AUTS2: variants seen among roughly 807,000 people sequenced by gnomAD.
AUTS2 encodes the protein autism susceptibility gene 2 protein.
A neutral mutation model predicts 112.4 loss-of-function variants in AUTS2; 17 were observed. That is an observed-to-expected ratio of 0.15 (90% CI 0.10 to 0.23). AUTS2 has a LOEUF of 0.23. AUTS2 is among the 10% of genes least tolerant of loss of function. The probability of loss-of-function intolerance (pLI) is 1.00; values close to 1 mark genes in which losing one functional copy is unlikely to be tolerated. For missense variants in AUTS2, 1,510 were observed against 1,701.6 expected, an observed-to-expected ratio of 0.89 and a Z score of 1.98; for synonymous variants, 751 against 702.7, an observed-to-expected ratio of 1.07 and a Z score of -1.09.
chr7:70,659,218 C>T lies in AUTS2; in HGVS notation c.691-39351C>T, dbSNP rs73704592. On this transcript the variant is annotated intron_variant, in intron 5 of 18. Coordinates refer to ENST00000342771, the MANE Select transcript of AUTS2 (RefSeq NM_015570.4). ...GTTCGGCACCTGACCTCTGAATTCC[C>T]GCGGCCCTTGCAGGATATCACGCCC... is the stretch of plus-strand genomic sequence containing the variant. Among the ~76,000 whole-genome samples, 886 of 152,314 alleles carry T rather than the reference C, an allele frequency of 5.8e-3. 9 individuals are homozygous for T. Among genetic ancestry groups the T allele is most frequent in the African/African-American group, 0.02 (836 of 41,558 alleles).
chr7:69,886,810 TCAGG>T (rs1794297520), intron 1 of AUTS2, among the ~76,000 whole-genome samples: 1 of 144,076 alleles, frequency 6.9e-6, no homozygotes, highest in Non-Finnish European at 1.5e-5. Flanking sequence ...TGTGTGTGTG[TCAGG>T]GTCTCATTCT....
intron 5 of AUTS2, among the ~76,000 whole-genome samples, chr7:70,528,818 A>AG (rs1177342070): frequency 6.6e-6 from 1 of 151,982 alleles, no homozygotes; most frequent in Admixed American, 6.6e-5. Flanking sequence ...AAAAAAAAAA[A>AG]AGGAGTATGC....
chr7:69,733,823 A>G (rs1786908443), intron 1 of AUTS2, among the ~76,000 whole-genome samples: 1 of 152,098 alleles, frequency 6.6e-6, no homozygotes, highest in Non-Finnish European at 1.5e-5. Context: ...ACACTTCCTT[A>G]TCTTCTTTGA....
intron 3 of AUTS2, among the ~76,000 whole-genome samples, chr7:70,132,831 G>A (rs1293108001): frequency 6.6e-6 from 1 of 152,248 alleles, no homozygotes; most frequent in South Asian, 2.1e-4. Context: ...TTTGCAGGAA[G>A]GGAAAGAAAT....
At chr7:69,612,736 C>T (rs904590664) in intron 1 of AUTS2, among the ~76,000 whole-genome samples, 3 of 152,186 alleles carry the variant, frequency 2.0e-5, no homozygotes, top group African/African-American at 7.2e-5. Flanking sequence ...GGATTATAGG[C>T]ATGAGCCACT....
intron 1 of AUTS2, among the ~76,000 whole-genome samples, chr7:69,655,421 C>A (rs1380268039): frequency 6.6e-6 from 1 of 152,100 alleles, no homozygotes; most frequent in African/African-American, 2.4e-5. Context: ...TAATTTACTG[C>A]AGTGGTTCTC....
intron 2 of AUTS2, among the ~76,000 whole-genome samples, chr7:70,106,525 G>A (rs1804775794): frequency 6.6e-6 from 1 of 152,132 alleles, no homozygotes; most frequent in South Asian, 2.1e-4. Flanking sequence ...TTCGAGACCA[G>A]CCTTGGTAAC....
At chr7:70,144,018 G>A (rs534056777) in intron 4 of AUTS2, among the ~76,000 whole-genome samples, 1 of 152,138 alleles carries the variant, frequency 6.6e-6, no homozygotes, top group South Asian at 2.1e-4. Context: ...GGAAATTAGA[G>A]AAAGTGTGAA....
chr7:69,884,066 C>T (rs1485764504), intron 1 of AUTS2, among the ~76,000 whole-genome samples: 2 of 152,166 alleles, frequency 1.3e-5, no homozygotes, highest in African/African-American at 2.4e-5. Context: ...AATGTCATAA[C>T]ACATGCTTCT....
intron 2 of AUTS2, among the ~76,000 whole-genome samples, chr7:69,945,110 A>T (rs965651899): frequency 1.3e-5 from 2 of 152,232 alleles, no homozygotes; most frequent in Non-Finnish European, 2.9e-5. Context: ...GATTTATTGA[A>T]ATATATTTCA....
chr7:70,650,512 G>C (rs1422349383), intron 5 of AUTS2, among the ~76,000 whole-genome samples: 1 of 152,218 alleles, frequency 6.6e-6, no homozygotes, highest in Admixed American at 6.5e-5. Context: ...AAGAATGTGA[G>C]CTGGTCAAGA....
At chr7:70,425,229 A>G (rs1795384315) in intron 4 of AUTS2, among the ~76,000 whole-genome samples, 1 of 152,232 alleles carries the variant, frequency 6.6e-6, no homozygotes, top group South Asian at 2.1e-4. Context: ...AATTCCAAGC[A>G]CTTTAAGAAA....
At chr7:70,739,344 C>CTTTT (rs1185801587) in intron 6 of AUTS2, among the ~76,000 whole-genome samples, 1 of 135,076 alleles carries the variant, frequency 7.4e-6, no homozygotes, top group African/African-American at 2.8e-5. Context: ...CCTTTTTTTC[C>CTTTT]TTTTTTTTTT....
At chr7:69,673,049 A>G (rs1470260377) in intron 1 of AUTS2, among the ~76,000 whole-genome samples, 2 of 152,198 alleles carry the variant, frequency 1.3e-5, no homozygotes, top group Non-Finnish European at 2.9e-5. Flanking sequence ...GTTTTTTCCT[A>G]GATTCAAATC....
chr7:70,429,714 T>C (rs532265570), intron 4 of AUTS2, among the ~76,000 whole-genome samples: 37 of 152,368 alleles, frequency 2.4e-4, no homozygotes, highest in Non-Finnish European at 4.4e-5. Context: ...GTTTCATAAA[T>C]CTAATAATTT....
At position 70,631,168 on chromosome 7, in the gene AUTS2, C is replaced by T. The variant is rs1405965200; in HGVS notation, c.691-67401C>T. 6.6e-6 allele frequency among the ~76,000 whole-genome samples: 1 copy of T among 152,176 alleles called. No individual in the cohort carries two copies. Among genetic ancestry groups the T allele is most frequent in the Non-Finnish European group, 1.5e-5 (1 of 68,034 alleles). On this transcript the variant is annotated intron_variant, in intron 5 of 18. Transcript: ENST00000342771. This position sits in a 1 kb window ranked among gnomAD's most constrained non-coding sequence, Gnocchi z 4.5. The stretch of plus-strand genomic sequence containing the variant: ...CTGATGACAAACTGCCAGCCAGCTC[C>T]CACAAAAGCACGATTAAAATGTCAG...
intron 14 of AUTS2, among the ~76,000 whole-genome samples, chr7:70,777,506 G>A (rs936504857): frequency 1.3e-5 from 2 of 151,354 alleles, no homozygotes; most frequent in African/African-American, 4.9e-5. Flanking sequence ...TTTCTTGATT[G>A]TTGTTTTTGT....
At chr7:69,684,324 A>G (rs1435600668) in intron 1 of AUTS2, among the ~76,000 whole-genome samples, 3 of 152,172 alleles carry the variant, frequency 2.0e-5, no homozygotes, top group Admixed American at 6.5e-5. Context: ...CTGAGATAGC[A>G]GCTCCCACAG....
At chr7:70,113,676 C>G (rs1356574816) in intron 2 of AUTS2, among the ~76,000 whole-genome samples, 1 of 152,206 alleles carries the variant, frequency 6.6e-6, no homozygotes, top group Non-Finnish European at 1.5e-5. Context: ...GCATAATTCG[C>G]ATCATTCCTC....
Sources: allele counts gnomAD v4.1 joint callset (sites outside exome capture counted in the v4.1 genomes callset), GRCh38; gene constraint gnomAD v4.1.1; non-coding constraint Gnocchi (gnomAD v3.1); transcripts MANE v1.5; gene names NCBI Gene and HGNC (gene_info 2026-07-23, HGNC 2026-07-21).